Variants in BTBD8 observed in about 807,000 individuals in gnomAD.
BTBD8 encodes the protein BTB domain containing 8.
BTBD8 carries 110 observed loss-of-function variants against 162.9 expected under a neutral mutation model. The observed-to-expected ratio is 0.68, with a 90% confidence interval of 0.58 to 0.79. The LOEUF (loss-of-function observed/expected upper bound fraction) is 0.79, where lower values mean the gene tolerates loss of function less well. BTBD8 is among the 30% of genes least tolerant of loss of function. BTBD8 has a pLI of 0.00. For synonymous variants in BTBD8, 667 were observed against 716.1 expected (o/e 0.93, Z 1.10); for missense variants, 1,905 against 2,085.4 (o/e 0.91, Z 1.68).
Position 92,124,811 on chromosome 1 carries a change from C to A in BTBD8, c.663-4876C>A, listed in dbSNP as rs544682080. Among the ~76,000 whole-genome samples, 3 of 152,212 alleles carry A rather than the reference C, an allele frequency of 2.0e-5. No homozygotes were observed. In the South Asian group the frequency reaches 6.2e-4, roughly 32 times the overall value. ...AGAATGGTAATTCAAAAGAAAATAT[C>A]TTTCTTGTCATTTTTTCAAACCTAA... On this transcript the variant is annotated intron_variant, in intron 4 of 17. Coordinates refer to ENST00000636805, the MANE Select transcript of BTBD8 (RefSeq NM_001376131.1).
intron 4 of BTBD8, among the ~76,000 whole-genome samples, chr1:92,108,479 T>A (rs1648801397): frequency 1.3e-5 from 2 of 152,348 alleles, no homozygotes; most frequent in South Asian, 4.1e-4. Context: ...ATTCCGTGAT[T>A]CAAAATAGTT....
At chr1:92,171,980 A>G (rs1650559021) in intron 13 of BTBD8, among the ~76,000 whole-genome samples, 1 of 152,026 alleles carries the variant, frequency 6.6e-6, no homozygotes, top group African/African-American at 2.4e-5. Context: ...AATCCCAGCT[A>G]CTCGGGAGGC....
chr1:92,101,813 C>T (rs940586863), intron 2 of BTBD8, among the ~76,000 whole-genome samples: 14 of 152,030 alleles, frequency 9.2e-5, no homozygotes, highest in African/African-American at 3.4e-4. Context: ...CCTCCCACCT[C>T]AGCCACCCAA....
chr1:92,144,098 C>G (rs1169159370), intron 7 of BTBD8, among the ~76,000 whole-genome samples: 1 of 148,514 alleles, frequency 6.7e-6, no homozygotes, highest in African/African-American at 2.5e-5. Flanking sequence ...CTCAGCCTCC[C>G]CAGTAGCTGG....
intron 1 of BTBD8, among the ~76,000 whole-genome samples, chr1:92,084,674 C>T (rs975853914): frequency 6.6e-6 from 1 of 152,196 alleles, no homozygotes. Context: ...ACTCTCTCCC[C>T]TGTATGTAAG....
chr1:92,127,804 G>T (rs986119779), intron 4 of BTBD8, among the ~76,000 whole-genome samples: 12 of 151,756 alleles, frequency 7.9e-5, no homozygotes, highest in Admixed American at 3.3e-4. Context: ...CAAGTGATCC[G>T]CCCGCCATGG....
At chr1:92,139,536 T>C in intron 6 of BTBD8, 106 bp downstream of exon 6, 17 of 1,413,220 alleles carry the variant, frequency 1.2e-5, no homozygotes, top group Non-Finnish European at 1.5e-5. Flanking sequence ...TTTTATAGTC[T>C]ATTATACTAT....
chr1:92,093,802 G>C (rs1304469728), intron 2 of BTBD8, among the ~76,000 whole-genome samples: 1 of 152,158 alleles, frequency 6.6e-6, no homozygotes, highest in East Asian at 1.9e-4. Flanking sequence ...AGTTGAGCTT[G>C]CTTTATTATC....
chr1:92,181,020 A>G lies in BTBD8; in HGVS notation c.3337A>G (p.Thr1113Ala). The change falls in exon 17 of 18, where the codon ACA (threonine) becomes GCA (alanine). Residue 1113 changes from threonine (T) to alanine (A), a missense_variant. This residue lies in a region of BTBD8 where 1,374 missense variants were observed against 1,442.7 expected (regional missense o/e 0.95). Coordinates refer to ENST00000636805, the MANE Select transcript of BTBD8 (RefSeq NM_001376131.1). ...NSNPVCDLDS[T>A]SAGQIHLISD... is the part of the protein sequence containing the mutation. Reference sequence around the variant, plus strand: ...TAATCCAGTTTGTGATTTAGACTCAACAAGTGCAGGGCAAATCCATTTGAT... The same window carrying G: ...TAATCCAGTTTGTGATTTAGACTCAGCAAGTGCAGGGCAAATCCATTTGAT... 1 of 1,551,922 alleles carries G rather than the reference A, an allele frequency of 6.4e-7. No individual in the cohort carries two copies.
chr1:92,178,485 T>C (rs1462738998), intron 16 of BTBD8, 34 bp downstream of exon 16: 1 of 1,512,380 alleles, frequency 6.6e-7, no homozygotes, highest in Non-Finnish European at 8.9e-7. Context: ...ATCTTGAAAT[T>C]ATTTCCTTGT....
At chr1:92,159,109 G>A (rs1346249588) in intron 9 of BTBD8, among the ~76,000 whole-genome samples, 11 of 151,732 alleles carry the variant, frequency 7.2e-5, no homozygotes, top group Admixed American at 4.6e-4. Context: ...CTCTTCATAA[G>A]TGAATCATAA....
At chr1:92,177,764 A>G (rs749228126) in intron 14 of BTBD8, 47 bp from the exon 15 acceptor site, 3 of 1,103,650 alleles carry the variant, frequency 2.7e-6, no homozygotes, top group Non-Finnish European at 2.7e-6. Flanking sequence ...CGTTTGTTAC[A>G]TATTTAATGT....
At chr1:92,140,910 A>G (rs1173583534) in intron 6 of BTBD8, among the ~76,000 whole-genome samples, 3 of 152,264 alleles carry the variant, frequency 2.0e-5, no homozygotes, top group African/African-American at 7.2e-5. Context: ...CTACTAATCA[A>G]ATCATGTGTC....
At chr1:92,170,624 A>G (rs888619713) in intron 12 of BTBD8, among the ~76,000 whole-genome samples, 6 of 152,154 alleles carry the variant, frequency 3.9e-5, no homozygotes, top group Non-Finnish European at 8.8e-5. Context: ...CTGATTTAAT[A>G]AAAATCAAAT....
Position 92,126,612 on chromosome 1 carries a change from C to T in BTBD8, c.663-3075C>T, listed in dbSNP as rs1431808891. 3.5e-5 allele frequency: 13 copies of T among 369,380 alleles called. No individual in the cohort carries two copies. The East Asian group carries it at 8.4e-4, about 24-fold the overall frequency. The allele number at this position is 369,380 out of a possible 1,614,324, so 22.9% of individuals were successfully genotyped here. On this transcript the variant is annotated intron_variant, in intron 4 of 17. Coordinates refer to ENST00000636805, the MANE Select transcript of BTBD8 (RefSeq NM_001376131.1). ...TATATTAAAAGTTGCACTTATTGTACGGTTTTTAATTTGGAGCAGTAATTA... is the reference window on the plus strand; with the variant it reads ...TATATTAAAAGTTGCACTTATTGTATGGTTTTTAATTTGGAGCAGTAATTA...
intron 4 of BTBD8, among the ~76,000 whole-genome samples, chr1:92,120,822 G>T (rs1649187959): frequency 6.6e-6 from 1 of 152,152 alleles, no homozygotes; most frequent in Admixed American, 6.5e-5. Context: ...AGATTTAGTG[G>T]CAGGATCTCA....
intron 9 of BTBD8, 21 bp downstream of exon 9, chr1:92,147,807 C>G (rs891011309): frequency 6.4e-7 from 1 of 1,557,846 alleles, no homozygotes; most frequent in Non-Finnish European, 8.8e-7. Flanking sequence ...CCTGAATACT[C>G]TTTTGTGTGT....
chr1:92,090,643 A>C (rs1218769040), intron 2 of BTBD8, among the ~76,000 whole-genome samples: 2 of 152,196 alleles, frequency 1.3e-5, no homozygotes, highest in Non-Finnish European at 2.9e-5. Flanking sequence ...ATTCTTATGT[A>C]GTCAGGCCAG....
intron 16 of BTBD8, among the ~76,000 whole-genome samples, 180 bp from the exon 17 acceptor site, chr1:92,180,085 T>C (rs1243880380): frequency 6.6e-6 from 1 of 152,216 alleles, no homozygotes; most frequent in African/African-American, 2.4e-5. Context: ...AAAAATTTTT[T>C]TATTTTATCA....
Sources: gnomAD v4.1 joint callset for allele counts (sites outside exome capture counted in the v4.1 genomes callset) on GRCh38, gnomAD v4.1.1 for gene constraint, gnomAD v4.1.1 regional missense constraint, MANE v1.5 for transcripts, NCBI Gene and HGNC (gene_info 2026-07-23, HGNC 2026-07-21) for gene names.